EYS: variants seen among roughly 807,000 people sequenced by gnomAD.
EYS encodes the protein EGF-like photoreceptor maintenance factor.
In EYS, 250 loss-of-function variants were observed where a neutral mutation model predicts 282.1. That is an observed-to-expected ratio of 0.89 (90% confidence interval 0.80 to 0.98). EYS has a LOEUF of 0.98. Among genes scored for constraint, EYS ranks in the 50% least tolerant of loss-of-function variants. EYS has a pLI of 0.00. For synonymous variants in EYS, 1,355 were observed against 1,282.9 expected (o/e 1.06, Z -1.20); for missense variants, 4,016 against 3,709.0 (o/e 1.08, Z -2.15).
intron 19 of EYS, among the ~76,000 whole-genome samples, chr6:64,853,379 A>G (rs1304132668): frequency 6.6e-6 from 1 of 152,082 alleles, no homozygotes; most frequent in Non-Finnish European, 1.5e-5. Context: ...GCCATTAGAT[A>G]ATTTTGTGTC....
intron 29 of EYS, among the ~76,000 whole-genome samples, chr6:64,351,159 C>T (rs1374812381): frequency 1.3e-5 from 2 of 151,148 alleles, no homozygotes; most frequent in Non-Finnish European, 3.0e-5. Flanking sequence ...CAGTTTTCCA[C>T]ACAATAATAA....
intron 5 of EYS, among the ~76,000 whole-genome samples, chr6:65,454,207 A>G (rs1283671390): frequency 2.6e-5 from 4 of 151,596 alleles, no homozygotes; most frequent in Non-Finnish European, 5.9e-5. Context: ...GATAATAACC[A>G]TTCTAACTAG....
At chr6:64,097,149 T>A (rs1287223942) in intron 31 of EYS, among the ~76,000 whole-genome samples, 1 of 152,156 alleles carries the variant, frequency 6.6e-6, no homozygotes, top group Non-Finnish European at 1.5e-5. Context: ...GTGTGAGATG[T>A]CAGTCCGCCC....
At chr6:65,611,453 C>T (rs1765999147) in intron 2 of EYS, among the ~76,000 whole-genome samples, 1 of 151,762 alleles carries the variant, frequency 6.6e-6, no homozygotes, top group South Asian at 2.1e-4. Flanking sequence ...CTCATGAAAT[C>T]CTAATTTTCT....
intron 2 of EYS, among the ~76,000 whole-genome samples, chr6:65,597,189 T>G (rs575494400): frequency 6.7e-4 from 102 of 152,208 alleles, no homozygotes; most frequent in African/African-American, 2.4e-3. Context: ...ACAGGCTTGT[T>G]AATTGTAGGG....
chr6:65,242,826 T>C (rs201436523), intron 12 of EYS, among the ~76,000 whole-genome samples: 2 of 152,114 alleles, frequency 1.3e-5, no homozygotes, highest in East Asian at 3.8e-4. Flanking sequence ...TGTAAAGTGG[T>C]AGCGTTTTCA....
At chr6:65,339,820 A>C (rs1770131872) in intron 10 of EYS, among the ~76,000 whole-genome samples, 1 of 151,286 alleles carries the variant, frequency 6.6e-6, no homozygotes, top group African/African-American at 2.4e-5. Flanking sequence ...CATGGTTCCA[A>C]GGTCCTTGAT....
chr6:65,638,147 AT>A (rs1767155016), intron 2 of EYS, among the ~76,000 whole-genome samples: 1 of 152,082 alleles, frequency 6.6e-6, no homozygotes, highest in African/African-American at 2.4e-5. Flanking sequence ...AGACTCAGAC[AT>A]ATGTCAGGAC....
chr6:65,269,381 T>A (rs6915695), intron 12 of EYS, among the ~76,000 whole-genome samples: 99,707 of 151,992 alleles, frequency 0.66, 34,245 homozygotes, highest in East Asian at 0.9. Context: ...GAGGCAATTG[T>A]ATAAGGGGGA....
At chr6:65,286,116 T>C (rs1359579649) in intron 12 of EYS, among the ~76,000 whole-genome samples, 2 of 151,954 alleles carry the variant, frequency 1.3e-5, no homozygotes, top group African/African-American at 4.8e-5. Context: ...TTAATTCTCA[T>C]TGAAAATGTG....
intron 22 of EYS, among the ~76,000 whole-genome samples, chr6:64,724,620 CATTA>C: frequency 1.3e-5 from 2 of 152,240 alleles, no homozygotes; most frequent in East Asian, 1.9e-4. Flanking sequence ...TAACACAAAG[CATTA>C]ATGTTGAGTG....
intron 22 of EYS, among the ~76,000 whole-genome samples, chr6:64,691,164 G>A (rs1399952347): frequency 2.6e-5 from 4 of 151,628 alleles, no homozygotes; most frequent in East Asian, 3.9e-4. Context: ...TCTAATAAAG[G>A]GCAATGATTA....
chr6:64,787,483 G>A (rs1774061494), intron 22 of EYS, among the ~76,000 whole-genome samples: 1 of 151,288 alleles, frequency 6.6e-6, no homozygotes, highest in Non-Finnish European at 1.5e-5. Flanking sequence ...GAAAAGCTCA[G>A]AAAATATTTT....
rs144193948 is a variant in EYS, at chr6:63,879,626, G to A, written c.7056-15268C>T. Among the ~76,000 whole-genome samples, 11 of 152,206 alleles carry A rather than the reference G, an allele frequency of 7.2e-5. 1 individual carries two copies. The highest frequency in any genetic ancestry group is 2.1e-4 in the South Asian group (1 of 4,826). ...TTTCTCTTATAAATGCAATTACCAC[G>A]CATGAAATAGCTATGAAATATCTGT... is the stretch of plus-strand genomic sequence containing the variant. On this transcript the variant is annotated intron_variant, in intron 35 of 42. Transcript: ENST00000503581.
intron 5 of EYS, among the ~76,000 whole-genome samples, chr6:65,414,372 G>A (rs1438833857): frequency 6.6e-6 from 1 of 152,082 alleles, no homozygotes; most frequent in Non-Finnish European, 1.5e-5. Flanking sequence ...TTCTTCACAA[G>A]TAGCCTGTAG....
At chr6:64,022,776 C>G (rs2149820828) in intron 33 of EYS, among the ~76,000 whole-genome samples, 1 of 152,304 alleles carries the variant, frequency 6.6e-6, no homozygotes, top group Non-Finnish European at 1.5e-5. Context: ...TTAGAGCTTA[C>G]CAGCTCCCCA....
chr6:65,266,306 A>G (rs1007244320), intron 12 of EYS, among the ~76,000 whole-genome samples: 3 of 151,926 alleles, frequency 2.0e-5, no homozygotes, highest in African/African-American at 7.2e-5. Context: ...TTAGAGAATG[A>G]TAATATTGAT....
intron 29 of EYS, among the ~76,000 whole-genome samples, chr6:64,347,636 C>T (rs558391671): frequency 1.3e-4 from 20 of 151,442 alleles, no homozygotes; most frequent in African/African-American, 4.1e-4. Flanking sequence ...ATGATTTCCA[C>T]TGGTGTTTAC....
At chr6:65,579,626 C>G (rs1416713462) in intron 2 of EYS, among the ~76,000 whole-genome samples, 2 of 151,450 alleles carry the variant, frequency 1.3e-5, no homozygotes, top group South Asian at 2.1e-4. Context: ...GTGGCCTTAC[C>G]TATGTATGTG....
Sources: gnomAD v4.1 joint callset for allele counts (sites outside exome capture counted in the v4.1 genomes callset) on GRCh38, gnomAD v4.1.1 for gene constraint, MANE v1.5 for transcripts, NCBI Gene and HGNC (gene_info 2026-07-23, HGNC 2026-07-21) for gene names.